CTNNA3: variants seen among roughly 807,000 people sequenced by gnomAD.
The protein encoded by CTNNA3 is catenin alpha-3.
A neutral mutation model predicts 95.7 loss-of-function variants in CTNNA3; 76 were observed. The observed-to-expected ratio is 0.79, with a 90% confidence interval of 0.66 to 0.96. The LOEUF (loss-of-function observed/expected upper bound fraction) is 0.96. CTNNA3 is among the 40% of genes least tolerant of loss of function. The pLI is 0.00. For missense variants in CTNNA3, 1,191 were observed against 1,089.8 expected, an observed-to-expected ratio of 1.09 and a Z score of -1.31; for synonymous variants, 431 against 374.4, an observed-to-expected ratio of 1.15 and a Z score of -1.74.
intron 8 of CTNNA3, among the ~76,000 whole-genome samples, chr10:66,766,876 A>G (rs1228408096): frequency 6.6e-6 from 1 of 152,216 alleles, no homozygotes; most frequent in Non-Finnish European, 1.5e-5. Flanking sequence ...AAGTTAGATC[A>G]CCGATTATGC....
intron 7 of CTNNA3, among the ~76,000 whole-genome samples, chr10:66,856,382 T>C (rs1670540631): frequency 6.6e-6 from 1 of 151,978 alleles, no homozygotes; most frequent in Non-Finnish European, 1.5e-5. Context: ...AATGTGTGCA[T>C]GTGTCTTTAT....
At chr10:67,485,904 G>A (rs1283467585) in intron 5 of CTNNA3, among the ~76,000 whole-genome samples, 1 of 152,148 alleles carries the variant, frequency 6.6e-6, no homozygotes, top group Non-Finnish European at 1.5e-5. Flanking sequence ...ACACTTCTTT[G>A]TTGGTTTTCT....
chr10:67,587,104 A>G (rs777867439), intron 3 of CTNNA3, among the ~76,000 whole-genome samples: 1 of 152,038 alleles, frequency 6.6e-6, no homozygotes, highest in South Asian at 2.1e-4. Context: ...AACTCACTAC[A>G]GCCTCTACCT....
intron 9 of CTNNA3, among the ~76,000 whole-genome samples, chr10:66,645,787 T>C (rs1845687735): frequency 6.6e-6 from 1 of 152,158 alleles, no homozygotes; most frequent in African/African-American, 2.4e-5. Flanking sequence ...TGATCTGAGG[T>C]GGCACAGTTT....
At chr10:65,970,137 C>T (rs2078062998) in intron 16 of CTNNA3, among the ~76,000 whole-genome samples, 1 of 151,964 alleles carries the variant, frequency 6.6e-6, no homozygotes. Flanking sequence ...ATTCTTGAAG[C>T]AAAGAAATTT....
At chr10:67,494,460 A>G (rs1461376247) in intron 5 of CTNNA3, among the ~76,000 whole-genome samples, 1 of 152,220 alleles carries the variant, frequency 6.6e-6, no homozygotes, top group Non-Finnish European at 1.5e-5. Context: ...CCTGACCATA[A>G]CACAAGAGTA....
intron 2 of CTNNA3, among the ~76,000 whole-genome samples, chr10:67,644,338 A>C (rs1418298114): frequency 6.6e-6 from 1 of 152,138 alleles, no homozygotes; most frequent in African/African-American, 2.4e-5. Flanking sequence ...TCTTCTTTTG[A>C]GAAGTGTCTG....
At chr10:66,418,099 A>G (rs1025745196) in intron 11 of CTNNA3, among the ~76,000 whole-genome samples, 2 of 137,948 alleles carry the variant, frequency 1.4e-5, no homozygotes, top group African/African-American at 5.7e-5. Context: ...AGTATAAACA[A>G]AATTGAAAAC....
At chr10:66,945,281 GC>G (rs1270480429) in intron 7 of CTNNA3, among the ~76,000 whole-genome samples, 1 of 152,186 alleles carries the variant, frequency 6.6e-6, no homozygotes, top group Non-Finnish European at 1.5e-5. Flanking sequence ...ACTTGTTGCA[GC>G]TTTTACATCA....
At chr10:67,648,786 A>AG in intron 1 of CTNNA3, 1 of 1,289,664 alleles carries the variant, frequency 7.8e-7, no homozygotes, top group South Asian at 1.2e-5. Flanking sequence ...TTCTAAAAGT[A>AG]GAAACATGGT....
At chr10:66,726,939 AT>A (rs1428016465) in intron 9 of CTNNA3, among the ~76,000 whole-genome samples, 1 of 152,116 alleles carries the variant, frequency 6.6e-6, no homozygotes, top group African/African-American at 2.4e-5. Flanking sequence ...CTTTGAGCTT[AT>A]TTTTCCAAAC....
chr10:67,511,764 G>A (rs924084404), intron 5 of CTNNA3, among the ~76,000 whole-genome samples: 3 of 152,164 alleles, frequency 2.0e-5, no homozygotes, highest in African/African-American at 7.2e-5. Flanking sequence ...AGTTTCAGAA[G>A]GAATGGTACC....
chr10:66,553,208 A>C (rs1018971641), intron 10 of CTNNA3, among the ~76,000 whole-genome samples: 1 of 151,966 alleles, frequency 6.6e-6, no homozygotes, highest in African/African-American at 2.4e-5. Context: ...TATGGTTTTT[A>C]TCTTTTAAAA....
rs1589148522 is a variant in CTNNA3 at position 66,367,491 on chromosome 10, T to C, written c.1732+11661A>G. Reference sequence around the variant, plus strand: ...TACATATAATACATATATTTATATATAATATTGTAAATATATAGAAACATA... The same window carrying C: ...TACATATAATACATATATTTATATACAATATTGTAAATATATAGAAACATA... On this transcript the variant is annotated intron_variant, in intron 12 of 17. Transcript: ENST00000433211. Among the ~76,000 whole-genome samples the C allele has an allele frequency of 2.0e-5, 3 of 149,758 alleles. No individual in the cohort carries two copies. In the Admixed American group the frequency reaches 2.0e-4, roughly 10 times the overall value.
At chr10:66,130,510 T>C (rs1589494782) in intron 13 of CTNNA3, among the ~76,000 whole-genome samples, 1 of 148,844 alleles carries the variant, frequency 6.7e-6, no homozygotes, top group African/African-American at 2.5e-5. Context: ...GCAAACACGA[T>C]CAGAAACAGA....
intron 13 of CTNNA3, among the ~76,000 whole-genome samples, chr10:66,165,244 C>A: frequency 6.6e-6 from 1 of 151,994 alleles, no homozygotes; most frequent in African/African-American, 2.4e-5. Context: ...GAATGGGGAC[C>A]CTATAGCTCA....
chr10:66,483,800 G>C (rs1404036780), intron 11 of CTNNA3, among the ~76,000 whole-genome samples: 1 of 151,930 alleles, frequency 6.6e-6, no homozygotes. Flanking sequence ...CTTAGAAATC[G>C]TTAAGACTAA....
intron 7 of CTNNA3, among the ~76,000 whole-genome samples, chr10:67,080,541 T>G (rs1856994075): frequency 6.6e-6 from 1 of 152,192 alleles, no homozygotes; most frequent in South Asian, 2.1e-4. Flanking sequence ...TTATTTATCA[T>G]TCCTATGCTT....
intron 16 of CTNNA3, among the ~76,000 whole-genome samples, chr10:65,985,715 C>A (rs572302944): frequency 1.3e-5 from 2 of 151,468 alleles, no homozygotes; most frequent in South Asian, 2.1e-4. Context: ...AGATCTGAAA[C>A]AAGACAAGGC....
Sources: gnomAD v4.1 joint callset for allele counts (sites outside exome capture counted in the v4.1 genomes callset) on GRCh38, gnomAD v4.1.1 for gene constraint, MANE v1.5 for transcripts, NCBI Gene and HGNC (gene_info 2026-07-23, HGNC 2026-07-21) for gene names.